Variants in EML6 observed in about 807,000 individuals in gnomAD.
EML6 encodes EMAP like 6, also known as echinoderm microtubule-associated protein-like 6.
EML6 carries 154 observed loss-of-function variants against 240.1 expected under a neutral mutation model. The ratio of observed to expected loss-of-function variants is 0.64; its 90% CI spans 0.56 to 0.73. The LOEUF is 0.73. Among genes scored for constraint, EML6 ranks in the 30% least tolerant of loss-of-function variants. EML6 has a pLI of 0.00. For missense variants in EML6, 2,964 were observed against 2,474.6 expected (o/e 1.20, Z -4.20); for synonymous variants, 1,148 against 899.0 (o/e 1.28, Z -4.95).
chr2:54,725,125 C>T lies in EML6; in HGVS notation c.64C>T (p.His22Tyr), dbSNP rs999478234. The T allele has an allele frequency of 1.3e-6, 2 of 1,540,852 alleles. No homozygotes were observed. The highest frequency in any genetic ancestry group is 2.8e-5 in the African/African-American group (2 of 71,598). Reference sequence around the variant, plus strand: ...GGAGTGGGTGTACGGGTACCGGGGTCACCAGTGCCGCAACAACCTGTACTA... The same window carrying T: ...GGAGTGGGTGTACGGGTACCGGGGTTACCAGTGCCGCAACAACCTGTACTA... ...RLEWVYGYRGHQCRNNLYYTA... is the reference protein window; with the variant it reads ...RLEWVYGYRGYQCRNNLYYTA... Residue 22 changes from histidine to tyrosine, a missense_variant, in exon 2 of 42, where the codon CAC becomes TAC. Physicochemically the swap from His to Tyr is moderately conservative, Grantham distance 83. Transcript: ENST00000356458. The surrounding 1 kb of genome is among the most constrained non-coding windows in gnomAD (Gnocchi z 4.3).
In EML6 at chr2:54,829,355, G is replaced by T; in HGVS notation, c.725G>T (p.Ser242Ile). The T allele has an allele frequency of 6.4e-7, 1 of 1,551,696 alleles. No individual in the cohort carries two copies. The highest frequency in any genetic ancestry group is 8.7e-7 in the Non-Finnish European group (1 of 1,146,940). ...IQGAHSAGIF[S>I]MYACEEGFAT... is the part of the protein sequence containing the mutation. ...TTTAATCAACAGGCTGGAATCTTTA[G>T]CATGTATGCTTGTGAAGAAGGCTTT... The change falls in exon 7 of 42, where the codon AGC (serine) becomes ATC (isoleucine). Residue 242 changes from serine to isoleucine, a missense_variant. Coordinates refer to ENST00000356458, the MANE Select transcript of EML6 (RefSeq NM_001039753.4).
In EML6 at chr2:54,935,736, C is replaced by T. The variant is rs574632358; in HGVS notation, c.4004+6985C>T. On this transcript the variant is annotated intron_variant, in intron 28 of 41. Coordinates refer to ENST00000356458, the MANE Select transcript of EML6 (RefSeq NM_001039753.4). ...TTTAAAAATAATGTTTAAGGCCAGG[C>T]GTAGTAGCTCACACCTGTAATCTCA... 7.6e-4 allele frequency among the ~76,000 whole-genome samples: 115 copies of T among 152,210 alleles called. No homozygotes were observed. In the Middle Eastern group the frequency reaches 0.017, roughly 23 times the overall value.
At chr2:54,868,079 G>T (rs897128244) in intron 14 of EML6, 2 of 152,114 alleles carry the variant, frequency 1.3e-5, no homozygotes, top group African/African-American at 2.4e-5. Context: ...TATGAAAAGA[G>T]GAATGTAAGA....
chr2:54,928,578 G>C, intron 27 of EML6, 47 bp from the exon 28 acceptor site: 1 of 1,551,674 alleles, frequency 6.4e-7, no homozygotes, highest in Non-Finnish European at 8.7e-7. Flanking sequence ...TCCCTTCCTG[G>C]GCCACTGCAA....
intron 11 of EML6, among the ~76,000 whole-genome samples, chr2:54,858,987 T>C (rs189161733): frequency 2.0e-5 from 3 of 152,314 alleles, no homozygotes; most frequent in African/African-American, 4.8e-5. Flanking sequence ...TATGCTGATA[T>C]GCTGAAGGCT....
chr2:54,905,415 A>G (rs978647823), intron 24 of EML6, among the ~76,000 whole-genome samples: 2 of 150,432 alleles, frequency 1.3e-5, no homozygotes, highest in South Asian at 2.1e-4. Flanking sequence ...CCACCACTCA[A>G]TGACTATTAG....
chr2:54,899,347 A>C (rs1436445816), intron 21 of EML6, among the ~76,000 whole-genome samples: 1 of 152,220 alleles, frequency 6.6e-6, no homozygotes, highest in African/African-American at 2.4e-5. Context: ...ATTTACCTGG[A>C]TGTTTCTAAA....
intron 5 of EML6, among the ~76,000 whole-genome samples, chr2:54,825,881 G>C (rs994182828): frequency 3.9e-5 from 6 of 152,114 alleles, no homozygotes; most frequent in African/African-American, 1.4e-4. Flanking sequence ...ATAGTACAAT[G>C]TTACTGATTT....
intron 2 of EML6, among the ~76,000 whole-genome samples, chr2:54,768,353 A>G (rs1668276376): frequency 6.6e-6 from 1 of 152,148 alleles, no homozygotes; most frequent in Non-Finnish European, 1.5e-5. Flanking sequence ...ACTGATAGAT[A>G]TGGTATCTCA....
In EML6 at chr2:54,946,147, C is replaced by G. The variant is rs181123151; in HGVS notation, c.4005-2735C>G. Among the ~76,000 whole-genome samples, 574 of 152,314 alleles carry G rather than the reference C, an allele frequency of 3.8e-3. 4 individuals carry two copies. Among genetic ancestry groups the G allele is most frequent in the African/African-American group, 0.013 (553 of 41,572 alleles). ...AGTTTGTTTGCTGTCTTGCCAGGCTCCCTCCTTAAATTTCTTGCCAATGGA... is the reference window on the plus strand; with the variant it reads ...AGTTTGTTTGCTGTCTTGCCAGGCTGCCTCCTTAAATTTCTTGCCAATGGA... On this transcript the variant is annotated intron_variant, in intron 28 of 41. Coordinates refer to ENST00000356458, the MANE Select transcript of EML6 (RefSeq NM_001039753.4).
intron 26 of EML6, among the ~76,000 whole-genome samples, chr2:54,926,018 T>C (rs1053808809): frequency 1.3e-5 from 2 of 152,336 alleles, no homozygotes; most frequent in Middle Eastern, 3.4e-3. Context: ...GAAATGTGAA[T>C]GTAGGGGAGA....
chr2:54,785,165 A>G (rs1221639323), intron 2 of EML6, among the ~76,000 whole-genome samples: 1 of 130,114 alleles, frequency 7.7e-6, no homozygotes, highest in Non-Finnish European at 1.6e-5. Flanking sequence ...CCCCCCACAC[A>G]CACACTTTTT....
At chr2:54,859,175 T>G (rs1052671646) in intron 11 of EML6, among the ~76,000 whole-genome samples, 13 of 152,360 alleles carry the variant, frequency 8.5e-5, no homozygotes, top group African/African-American at 3.1e-4. Flanking sequence ...TTATTTTCTG[T>G]TTCCCTGTTA....
intron 11 of EML6, among the ~76,000 whole-genome samples, chr2:54,854,980 T>C (rs540870360): frequency 6.6e-6 from 1 of 152,226 alleles, no homozygotes; most frequent in African/African-American, 2.4e-5. Flanking sequence ...TGGTCTCTAG[T>C]GTCAGAACTT....
chr2:54,753,025 G>A (rs763477418), intron 2 of EML6, among the ~76,000 whole-genome samples: 6 of 152,158 alleles, frequency 3.9e-5, no homozygotes, highest in African/African-American at 9.7e-5. Flanking sequence ...CGTGAGTCAC[G>A]GTGCCCGGCT....
At chr2:54,886,933 G>C (rs987769065) in intron 17 of EML6, among the ~76,000 whole-genome samples, 2 of 152,166 alleles carry the variant, frequency 1.3e-5, no homozygotes, top group African/African-American at 4.8e-5. Context: ...GGAGGCAGTA[G>C]GCATGGTCCT....
chr2:54,870,319 T>A (rs556837325), intron 15 of EML6, among the ~76,000 whole-genome samples: 6 of 150,080 alleles, frequency 4.0e-5, no homozygotes, highest in South Asian at 4.2e-4. Context: ...CCATAGCTTT[T>A]AAATTTTTTT....
At chr2:54,869,498 C>G in intron 15 of EML6, 131 bp downstream of exon 15, 3 of 721,552 alleles carry the variant, frequency 4.2e-6, no homozygotes, top group Non-Finnish European at 6.8e-6. Context: ...ATTGAATGAT[C>G]ATTGGATCCT....
intron 2 of EML6, among the ~76,000 whole-genome samples, chr2:54,799,705 C>T (rs1001677965): frequency 1.3e-5 from 2 of 152,078 alleles, no homozygotes; most frequent in African/African-American, 4.8e-5. Flanking sequence ...ACCATATGAC[C>T]ATCAAAGAGT....
Sources: allele counts gnomAD v4.1 joint callset (sites outside exome capture counted in the v4.1 genomes callset), GRCh38; gene constraint gnomAD v4.1.1; non-coding constraint Gnocchi (gnomAD v3.1); transcripts MANE v1.5; gene names NCBI Gene and HGNC (gene_info 2026-07-23, HGNC 2026-07-21).